The following DISP1 variants were observed in gnomAD, a reference collection of about 807,000 sequenced individuals.
DISP1 encodes dispatched RND transporter family member 1.
Under a neutral mutation model 37.3 loss-of-function variants are expected in DISP1, and 30 were observed. The observed-to-expected ratio is 0.80, with a 90% CI of 0.60 to 1.09. DISP1 has a LOEUF of 1.09. DISP1 is among the 50% of genes least tolerant of loss of function. The pLI, the probability that DISP1 is intolerant of heterozygous loss-of-function variation, is 0.00. For missense variants in DISP1, 1,598 were observed against 1,879.5 expected (o/e 0.85, Z 2.77); for synonymous variants, 634 against 690.2 (o/e 0.92, Z 1.28).
chr1:222,980,961 C>T (rs1421697352), intron 3 of DISP1, among the ~76,000 whole-genome samples: 1 of 152,192 alleles, frequency 6.6e-6, no homozygotes, highest in Non-Finnish European at 1.5e-5. Flanking sequence ...GCCTGTAGTC[C>T]CAACTACCCA....
chr1:222,916,726 T>C (rs1672513324), intron 1 of DISP1, among the ~76,000 whole-genome samples: 1 of 152,174 alleles, frequency 6.6e-6, no homozygotes. Context: ...CTAAGTAAAA[T>C]ATTCTAGCAT....
intron 1 of DISP1, among the ~76,000 whole-genome samples, chr1:222,869,289 G>T (rs1443037133): frequency 6.6e-6 from 1 of 152,086 alleles, no homozygotes; most frequent in African/African-American, 2.4e-5. Context: ...AAGCCTGTTA[G>T]TCATAGATTT....
intron 1 of DISP1, among the ~76,000 whole-genome samples, chr1:222,852,010 C>T (rs1668271454): frequency 6.6e-6 from 1 of 151,974 alleles, no homozygotes; most frequent in Non-Finnish European, 1.5e-5. Context: ...CATGGAGAAA[C>T]CCCATCTCTA....
At chr1:222,820,546 T>G (rs1166795236) in intron 1 of DISP1, among the ~76,000 whole-genome samples, 1 of 152,200 alleles carries the variant, frequency 6.6e-6, no homozygotes, top group Non-Finnish European at 1.5e-5. Context: ...TAAGGACTCC[T>G]TGGGGGATAG....
In DISP1 at chr1:223,002,598, A is replaced by G; in HGVS notation, c.1201A>G (p.Met401Val). Residue 401 changes from methionine to valine, a missense_variant, in exon 9 of 9, where the codon ATG (methionine) becomes GTG (valine). Transcript: ENST00000675850. ...NGTLGPDCWD[M>V]AARRKDQLKC... ...CACTCTGGGGCCAGACTGCTGGGAC[A>G]TGGCAGCCAGAAGAAAGGACCAGCT... The G allele has an allele frequency of 1.9e-6, 3 of 1,614,208 alleles. No homozygotes were observed. The highest frequency in any genetic ancestry group is 1.6e-4 in the Middle Eastern group (1 of 6,062).
Position 223,003,545 on chromosome 1 carries a change from G to T in DISP1, c.2148G>T (p.Lys716Asn), listed in dbSNP as rs1252699560. Residue 716 changes from lysine to asparagine, a missense_variant, in exon 9 of 9, where the codon AAG (lysine) becomes AAT (asparagine). Transcript: ENST00000675850. This position sits in a 1 kb window ranked among gnomAD's most constrained non-coding sequence, Gnocchi z 4.3. ...AAGTATTGCCATGCATTGTCATTAA[G>T]TTTCGCTACCTTTGGCTGTTTTGGT... ...FEKVLPCIVI[K>N]FRYLWLFWFL... The T allele has an allele frequency of 6.2e-7, 1 of 1,614,180 alleles. No homozygotes were observed. The highest frequency in any genetic ancestry group is 1.7e-5 in the Admixed American group (1 of 60,022).
chr1:222,980,410 AGTGTGTGTGTGT>A (rs3028495), intron 3 of DISP1, among the ~76,000 whole-genome samples: 5 of 148,056 alleles, frequency 3.4e-5, no homozygotes, highest in East Asian at 2.0e-4. Context: ...GATGTAACAA[AGTGTGTGTGTGT>A]GTGTGTGTGT....
intron 1 of DISP1, among the ~76,000 whole-genome samples, chr1:222,842,887 A>G (rs17535137): frequency 0.11 from 16,472 of 152,048 alleles, 1,257 homozygotes; most frequent in South Asian, 0.16. Flanking sequence ...ATATTCTGTG[A>G]CAGTGTAACA....
intron 5 of DISP1, among the ~76,000 whole-genome samples, chr1:222,991,196 C>T (rs532019872): frequency 8.7e-4 from 132 of 152,172 alleles, no homozygotes; most frequent in Middle Eastern, 6.8e-3. Flanking sequence ...AAATACAGTG[C>T]GTAACATGAT....
chr1:222,976,016 T>C (rs1187794974), intron 3 of DISP1, among the ~76,000 whole-genome samples: 1 of 152,068 alleles, frequency 6.6e-6, no homozygotes, highest in Admixed American at 6.6e-5. Context: ...CATCTTTCCT[T>C]GGGCCTTTTC....
intron 1 of DISP1, among the ~76,000 whole-genome samples, chr1:222,914,370 C>T (rs112553299): frequency 2.3e-3 from 357 of 152,114 alleles, no homozygotes; most frequent in African/African-American, 8.2e-3. Flanking sequence ...GATGTCTGTA[C>T]ATTGTTATTA....
rs549845361 is a variant in DISP1, at chr1:222,844,444, ACTAAT to A, written c.-159+29369_-159+29373del. 2.6e-5 allele frequency among the ~76,000 whole-genome samples: 4 copies of A among 152,272 alleles called. No homozygotes were observed. In the East Asian group the frequency reaches 7.7e-4, roughly 29 times the overall value. On this transcript the variant is annotated intron_variant, in intron 1 of 8. Coordinates refer to ENST00000675850, the MANE Select transcript of DISP1 (RefSeq NM_001377229.1). ...TCAAGTATTATCTATATCAGTACTG[ACTAAT>A]CTGCCTTCAGTTATATAATGGATAG...
chr1:222,907,957 T>TA (rs1449315829), intron 1 of DISP1, among the ~76,000 whole-genome samples: 4 of 151,996 alleles, frequency 2.6e-5, no homozygotes, highest in Non-Finnish European at 5.9e-5. Flanking sequence ...TCAAAATAAA[T>TA]AAATAAAATA....
At chr1:222,863,757 T>C (rs1669014926) in intron 1 of DISP1, among the ~76,000 whole-genome samples, 2 of 152,192 alleles carry the variant, frequency 1.3e-5, no homozygotes. Context: ...TCCATTGCTG[T>C]CATTAATTAT....
intron 8 of DISP1, among the ~76,000 whole-genome samples, chr1:222,998,746 G>A (rs1679245618): frequency 6.6e-6 from 1 of 152,152 alleles, no homozygotes; most frequent in Non-Finnish European, 1.5e-5. Flanking sequence ...GTAGAAGTTG[G>A]AGCTCTGAGG....
intron 1 of DISP1, among the ~76,000 whole-genome samples, chr1:222,872,963 G>T (rs1200435724): frequency 6.6e-6 from 1 of 152,058 alleles, no homozygotes. Context: ...CAGAGATTCT[G>T]GTATGTTGTG....
chr1:222,873,425 C>A (rs1320776013), intron 1 of DISP1, among the ~76,000 whole-genome samples: 2 of 152,108 alleles, frequency 1.3e-5, no homozygotes, highest in African/African-American at 4.8e-5. Flanking sequence ...CTTTGTAGGT[C>A]TCTAAGGACT....
At chr1:222,967,437 T>A (rs774600072) in intron 3 of DISP1, among the ~76,000 whole-genome samples, 11 of 152,152 alleles carry the variant, frequency 7.2e-5, no homozygotes, top group Non-Finnish European at 1.3e-4. Context: ...TAAAGGGCTG[T>A]CTTTAGGCAA....
chr1:222,885,307 T>A (rs975328027), intron 1 of DISP1, among the ~76,000 whole-genome samples: 4 of 152,148 alleles, frequency 2.6e-5, no homozygotes, highest in African/African-American at 9.7e-5. Flanking sequence ...TTGCTTAAAT[T>A]GTTCCATCTT....
Sources: allele counts gnomAD v4.1 joint callset (sites outside exome capture counted in the v4.1 genomes callset), GRCh38; gene constraint gnomAD v4.1.1; non-coding constraint Gnocchi (gnomAD v3.1); transcripts MANE v1.5; gene names NCBI Gene and HGNC (gene_info 2026-07-23, HGNC 2026-07-21).